The following CHFR variants were observed in gnomAD, a reference collection of about 807,000 sequenced individuals.
CHFR encodes the protein E3 ubiquitin-protein ligase CHFR.
CHFR carries 57 observed loss-of-function variants against 87.6 expected under a neutral mutation model. The observed-to-expected ratio is 0.65, with a 90% CI of 0.53 to 0.81. The LOEUF (loss-of-function observed/expected upper bound fraction) is 0.81, where lower values mean the gene tolerates loss of function less well. Ranked by LOEUF, CHFR falls within the 30% of genes least tolerant of loss-of-function variation. The probability of loss-of-function intolerance (pLI) is 0.00; values close to 1 mark genes in which losing one functional copy is unlikely to be tolerated. For missense variants in CHFR, 797 were observed against 865.8 expected (o/e 0.92, Z 1.00); for synonymous variants, 381 against 359.2 (o/e 1.06, Z -0.69).
At chr12:132,872,182 A>C in intron 4 of CHFR, 103 bp downstream of exon 4, 1 of 728,324 alleles carries the variant, frequency 1.4e-6, no homozygotes, top group Non-Finnish European at 2.5e-6. Context: ...AGCCAGGAGG[A>C]ACGTTCCTAT....
At chr12:132,874,524 C>T (rs1222232737) in intron 3 of CHFR, among the ~76,000 whole-genome samples, 2 of 149,956 alleles carry the variant, frequency 1.3e-5, no homozygotes, top group Non-Finnish European at 3.0e-5. Context: ...AGGACCAGCA[C>T]CCAGCGCGGG....
intron 6 of CHFR, among the ~76,000 whole-genome samples, chr12:132,862,781 C>T (rs112286961): frequency 2.0e-5 from 3 of 151,680 alleles, no homozygotes; most frequent in Non-Finnish European, 2.9e-5. Context: ...AGGGTTTCAC[C>T]GTGTTAGCCA....
At chr12:132,881,072 G>A (rs1951758125) in intron 2 of CHFR, among the ~76,000 whole-genome samples, 1 of 152,086 alleles carries the variant, frequency 6.6e-6, no homozygotes, top group African/African-American at 2.4e-5. Context: ...TTCGAGACCA[G>A]CCTGGCCAAC....
chr12:132,880,570 A>T (rs1951743808), intron 2 of CHFR, among the ~76,000 whole-genome samples: 2 of 151,992 alleles, frequency 1.3e-5, no homozygotes, highest in African/African-American at 4.8e-5. Flanking sequence ...AGGCAGAAGA[A>T]TGGCGTGAAC....
At chr12:132,847,879 A>G (rs1012289053) in intron 14 of CHFR, 4 of 1,419,262 alleles carry the variant, frequency 2.8e-6, no homozygotes, top group Non-Finnish European at 2.8e-6. Context: ...CGAAATACCT[A>G]TTTTTGGAAT....
chr12:132,885,419 TATAA>T (rs141735852), intron 2 of CHFR, among the ~76,000 whole-genome samples: 65,542 of 146,380 alleles, frequency 0.45, 15,108 homozygotes, highest in Non-Finnish European at 0.52. Flanking sequence ...TCAAAAAATA[TATAA>T]ATAAATAAAT....
chr12:132,868,478 GGTGACAGAGCGAGA>G (rs1951402560), intron 6 of CHFR, among the ~76,000 whole-genome samples: 4 of 149,078 alleles, frequency 2.7e-5, no homozygotes, highest in South Asian at 2.1e-4. Flanking sequence ...CTCCAGCCTG[GGTGACAGAGCGAGA>G]CTCCATCTCA....
chr12:132,872,794 A>G (rs1234947256), intron 3 of CHFR, among the ~76,000 whole-genome samples: 1 of 152,186 alleles, frequency 6.6e-6, no homozygotes, highest in Non-Finnish European at 1.5e-5. Flanking sequence ...CGGTGAACTC[A>G]TGCCTCCAAT....
At chr12:132,882,549 T>C (rs1352417835) in intron 2 of CHFR, among the ~76,000 whole-genome samples, 1 of 152,148 alleles carries the variant, frequency 6.6e-6, no homozygotes, top group Non-Finnish European at 1.5e-5. Context: ...CTATTGGAAG[T>C]ACTGTATCCA....
intron 14 of CHFR, 151 bp downstream of exon 14, chr12:132,847,934 G>A: frequency 1.3e-6 from 2 of 1,494,344 alleles, no homozygotes; most frequent in South Asian, 2.6e-5. Context: ...AGAACCAGCT[G>A]GCTGCACCAG....
chr12:132,868,659 G>T (rs1951411925), intron 6 of CHFR, among the ~76,000 whole-genome samples: 1 of 152,238 alleles, frequency 6.6e-6, no homozygotes, highest in African/African-American at 2.4e-5. Flanking sequence ...CAGCCTGAGC[G>T]ACAGAGCGAG....
At chr12:132,848,354 C>A (rs1950870552) in intron 13 of CHFR, 199 bp from the exon 14 acceptor site, 4 of 999,182 alleles carry the variant, frequency 4.0e-6, no homozygotes, top group Admixed American at 4.0e-5. Context: ...AAGATCAGCT[C>A]TCCGAGTCTC....
chr12:132,886,500 C>A (rs7136785), intron 2 of CHFR, among the ~76,000 whole-genome samples: 31,457 of 152,020 alleles, frequency 0.21, 4,148 homozygotes, highest in Non-Finnish European at 0.3. Context: ...ACAGGACCAG[C>A]GCATTTCTCT....
intron 17 of CHFR, among the ~76,000 whole-genome samples, chr12:132,842,216 C>A (rs1950718430): frequency 6.6e-6 from 1 of 152,062 alleles, no homozygotes; most frequent in African/African-American, 2.4e-5. Flanking sequence ...GCTGACAGGG[C>A]TGAGGCAGAC....
Position 132,872,387 on chromosome 12 carries a change from C to T in CHFR, c.241G>A (p.Gly81Arg). 1 of 1,609,676 alleles carries T rather than the reference C, an allele frequency of 6.2e-7. No homozygotes were observed. The highest frequency in any genetic ancestry group is 1.1e-5 in the South Asian group (1 of 90,836). ...QVTLEDTSTS[G>R]TVINKLKVVK... ...ACCTTCAGCTTGTTAATCACTGTTC[C>T]ACTGGTGCTGTAAAAAAACAAAAAC... is the stretch of plus-strand genomic sequence containing the variant. Residue 81 changes from glycine (G) to arginine (R), a missense_variant, in exon 4 of 18, where the codon GGA becomes AGA. Physicochemically the swap from Gly to Arg is moderately radical, Grantham distance 125. Around this residue, in one of 2 missense-constraint regions of CHFR, gnomAD observed 597 missense variants for 601.2 expected, o/e 0.99. Transcript: ENST00000450056.
At chr12:132,863,847 C>A (rs1951272281) in intron 6 of CHFR, among the ~76,000 whole-genome samples, 1 of 152,168 alleles carries the variant, frequency 6.6e-6, no homozygotes, top group Non-Finnish European at 1.5e-5. Flanking sequence ...CAACCTCTGC[C>A]TCCTGGGCTA....
chr12:132,877,405 A>T (rs1951653460), intron 3 of CHFR, 150 bp downstream of exon 3: 1 of 523,052 alleles, frequency 1.9e-6, no homozygotes, highest in Admixed American at 3.6e-5. Flanking sequence ...TAAGGGACAC[A>T]TGACTGTGCT....
At chr12:132,876,599 C>T (rs1013169494) in intron 3 of CHFR, among the ~76,000 whole-genome samples, 3 of 152,130 alleles carry the variant, frequency 2.0e-5, no homozygotes. Context: ...AGAAATCAAA[C>T]TTGAATAGGC....
In CHFR at chr12:132,841,339, T is replaced by C. The variant is rs943323229; in HGVS notation, c.*215A>G. ...TGCCACCACGAGCCCTGCCCAGCGCTCACCAGGAGGGCGGGCTGCGGCCCC... is the reference window on the plus strand; with the variant it reads ...TGCCACCACGAGCCCTGCCCAGCGCCCACCAGGAGGGCGGGCTGCGGCCCC... On this transcript the variant is annotated 3_prime_UTR_variant, in exon 18 of 18. Transcript: ENST00000450056. 4 of 554,592 alleles carry C rather than the reference T, an allele frequency of 7.2e-6. No homozygotes were observed. The African/African-American group carries it at 7.6e-5, about 11-fold the overall frequency. 34.4% of individuals were successfully genotyped at this position (554,592 alleles called of 1,614,324 possible). A position where few individuals can be genotyped will look rare whatever the true frequency, so the allele number is the denominator to read the frequency against.
Sources: gnomAD v4.1 joint callset for allele counts (sites outside exome capture counted in the v4.1 genomes callset) on GRCh38, gnomAD v4.1.1 for gene constraint, gnomAD v4.1.1 regional missense constraint, MANE v1.5 for transcripts, NCBI Gene and HGNC (gene_info 2026-07-23, HGNC 2026-07-21) for gene names.